The following LMF1 variants were observed in gnomAD, a reference collection of about 807,000 sequenced individuals.
The protein encoded by LMF1 is lipase maturation factor 1.
LMF1 carries 68 observed loss-of-function variants against 60.6 expected under a neutral mutation model. The observed-to-expected ratio is 1.12, with a 90% CI of 0.92 to 1.37. LMF1 has a LOEUF of 1.37. Ranked by LOEUF, LMF1 falls within the 40% of genes most tolerant of loss-of-function variation. LMF1 has a pLI of 0.00. For missense variants in LMF1, 948 were observed against 767.2 expected (o/e 1.24, Z -2.78); for synonymous variants, 418 against 324.7 (o/e 1.29, Z -3.09).
In LMF1 at chr16:922,557, C is replaced by T. The variant is rs1015086692; in HGVS notation, c.515-11478G>A. On this transcript the variant is annotated intron_variant, in intron 3 of 10. Coordinates refer to ENST00000262301, the MANE Select transcript of LMF1 (RefSeq NM_022773.4). ...TTTGGGTGTGATGTGGTGTTGGTGT[C>T]GTGTTGTTGCGAAGGCCCTGTCTGA... 6.6e-5 allele frequency among the ~76,000 whole-genome samples: 10 copies of T among 150,980 alleles called. 1 individual carries two copies. Among genetic ancestry groups the T allele is most frequent in the African/African-American group, 1.7e-4 (7 of 41,098 alleles).
intron 3 of LMF1, among the ~76,000 whole-genome samples, chr16:929,069 G>A (rs1597015153): frequency 6.6e-6 from 1 of 152,110 alleles, no homozygotes; most frequent in East Asian, 1.9e-4. Context: ...CTCACCACGA[G>A]TGTCTCCTTC....
intron 4 of LMF1, among the ~76,000 whole-genome samples, chr16:906,577 C>T (rs1000968612): frequency 2.0e-5 from 3 of 152,112 alleles, no homozygotes; most frequent in African/African-American, 7.2e-5. Context: ...TGCGGGCAAC[C>T]TATCGTGGGG....
At chr16:902,162 T>A (rs2070831588) in intron 4 of LMF1, 1 of 152,472 alleles carries the variant, frequency 6.6e-6, no homozygotes, top group South Asian at 2.1e-4. Context: ...TGAGGGGAGC[T>A]CTGGGAGCCA....
intron 5 of LMF1, among the ~76,000 whole-genome samples, chr16:883,000 A>C (rs887470021): frequency 6.8e-6 from 1 of 147,010 alleles, no homozygotes; most frequent in African/African-American, 2.5e-5. Flanking sequence ...GGCAGAGCCT[A>C]TCACAGGACC....
At chr16:855,751 G>A (rs1474404444) in intron 10 of LMF1, 2 of 455,962 alleles carry the variant, frequency 4.4e-6, no homozygotes, top group Non-Finnish European at 8.8e-6. Context: ...AATGAGCCCA[G>A]GCAGGTGCCA....
At chr16:950,691 C>G (rs1410311094) in intron 2 of LMF1, among the ~76,000 whole-genome samples, 5 of 140,950 alleles carry the variant, frequency 3.5e-5, no homozygotes, top group African/African-American at 1.4e-4. Flanking sequence ...AGTCAGCCAA[C>G]GACAGAGTCA....
intron 5 of LMF1, among the ~76,000 whole-genome samples, chr16:888,389 A>G (rs2070375362): frequency 6.6e-6 from 1 of 152,212 alleles, no homozygotes; most frequent in Non-Finnish European, 1.5e-5. Flanking sequence ...AATTGTTTGC[A>G]ACGTTCAGGG....
At chr16:941,230 A>T (rs757035023) in intron 2 of LMF1, among the ~76,000 whole-genome samples, 9 of 151,368 alleles carry the variant, frequency 5.9e-5, no homozygotes, top group South Asian at 4.2e-4. Flanking sequence ...TGATTTTTTT[A>T]AATTGATTTT....
intron 1 of LMF1, chr16:976,258 G>A: frequency 2.2e-6 from 1 of 447,430 alleles, no homozygotes; most frequent in Non-Finnish European, 4.5e-6. Flanking sequence ...AAATGGGGCT[G>A]GGGTCCCTGG....
At position 948,610 on chromosome 16, in the gene LMF1, T is replaced by C. The variant is rs139227732; in HGVS notation, c.503+5747A>G. ...CAGCCAACGACAGAATCAAAGACAA[T>C]GACAGAGTCAGCCAACGACAGAATC... On this transcript the variant is annotated intron_variant, in intron 2 of 10. Transcript: ENST00000262301. Among the ~76,000 whole-genome samples the C allele has an allele frequency of 8.1e-3, 856 of 105,798 alleles. 11 individuals carry two copies. Among genetic ancestry groups the C allele is most frequent in the Middle Eastern group, 0.024 (3 of 124 alleles). The allele number at this position is 105,798 out of a possible 152,430, so 69.4% of individuals were successfully genotyped here.
intron 3 of LMF1, among the ~76,000 whole-genome samples, chr16:929,686 A>C (rs1201634962): frequency 1.3e-5 from 2 of 152,238 alleles, no homozygotes; most frequent in Non-Finnish European, 2.9e-5. Flanking sequence ...TTTGAAGTGA[A>C]TGTTACCAAA....
At chr16:978,725 T>G (rs1354996796) in intron 1 of LMF1, among the ~76,000 whole-genome samples, 1 of 151,986 alleles carries the variant, frequency 6.6e-6, no homozygotes, top group African/African-American at 2.4e-5. Flanking sequence ...AGGCCCCAGC[T>G]GAAGGGGTGG....
At chr16:868,372 G>A (rs960765772) in intron 10 of LMF1, among the ~76,000 whole-genome samples, 1 of 152,164 alleles carries the variant, frequency 6.6e-6, no homozygotes, top group Non-Finnish European at 1.5e-5. Context: ...TCCCCTGCGT[G>A]GAGTCTGGAA....
chr16:953,951 C>A (rs868813904), intron 2 of LMF1, among the ~76,000 whole-genome samples: 5 of 70,824 alleles, frequency 7.1e-5, no homozygotes, highest in African/African-American at 2.0e-4. Context: ...ACACAGACAC[C>A]CACCCCAAAC....
chr16:902,307 C>T (rs1002459338), intron 4 of LMF1: 3 of 152,502 alleles, frequency 2.0e-5, no homozygotes, highest in South Asian at 2.1e-4. Context: ...GGCATTCTCC[C>T]TGACTTGTCA....
At chr16:907,038 T>C (rs2070989270) in intron 4 of LMF1, among the ~76,000 whole-genome samples, 1 of 152,240 alleles carries the variant, frequency 6.6e-6, no homozygotes. Flanking sequence ...TCCTATTTTA[T>C]GGTTCTGAAT....
chr16:862,788 G>A (rs1175256440), intron 10 of LMF1, among the ~76,000 whole-genome samples: 2 of 152,158 alleles, frequency 1.3e-5, no homozygotes, highest in African/African-American at 2.4e-5. Context: ...AGCTGAGGAG[G>A]TCGAGGCTAC....
upstream of LMF1, chr16:981,299 TGTGTGAGAGAGAGAGAGAGA>T (rs1227311232): frequency 4.0e-5 from 15 of 379,642 alleles, no homozygotes; most frequent in East Asian, 1.8e-4. Context: ...TGTGTGTGTG[TGTGTGAGAGAGAGAGAGAGA>T]GAGAGAGAGA....
At chr16:954,288 G>A (rs1311686081) in intron 2 of LMF1, 69 bp downstream of exon 2, 2 of 1,449,936 alleles carry the variant, frequency 1.4e-6, no homozygotes, top group African/African-American at 1.4e-5. Flanking sequence ...CAAGTGCCAG[G>A]ACACCTGCAG....
Sources: allele counts gnomAD v4.1 joint callset (sites outside exome capture counted in the v4.1 genomes callset), GRCh38; gene constraint gnomAD v4.1.1; transcripts MANE v1.5; gene names NCBI Gene and HGNC (gene_info 2026-07-23, HGNC 2026-07-21).